Variants in DSG4 observed in about 807,000 individuals in gnomAD.
DSG4 encodes the protein desmoglein 4, also known as desmoglein-4.
Under a neutral mutation model 93.1 loss-of-function variants are expected in DSG4, and 87 were observed. That is an observed-to-expected ratio of 0.93 (90% CI 0.79 to 1.12). The LOEUF (loss-of-function observed/expected upper bound fraction) is 1.12, where lower values mean the gene tolerates loss of function less well. Ranked by LOEUF, DSG4 falls within the 50% of genes most tolerant of loss-of-function variation. The pLI, the probability that DSG4 is intolerant of heterozygous loss-of-function variation, is 0.00. For synonymous variants in DSG4, 432 were observed against 452.9 expected (o/e 0.95, Z 0.59); for missense variants, 1,373 against 1,285.7 (o/e 1.07, Z -1.04).
At chr18:31,406,454 A>G (rs751234213) in intron 12 of DSG4, 81 bp downstream of exon 12, 125 of 1,564,100 alleles carry the variant, frequency 8.0e-5, no homozygotes, top group Non-Finnish European at 1.0e-4. Flanking sequence ...GGTTAGGTTC[A>G]TGGAGCCATT....
intron 8 of DSG4, among the ~76,000 whole-genome samples, chr18:31,393,829 C>T (rs550149242): frequency 1.3e-5 from 2 of 152,260 alleles, no homozygotes; most frequent in South Asian, 4.1e-4. Flanking sequence ...TACTACTTTA[C>T]CACCAAAGCA....
rs764234368 is a variant in DSG4, at chr18:31,389,026, G to A, written c.517+8G>A. ...AAGAAAATAGTGATGCCAGTAAGTA[G>A]AATGACATTCCTTCTCTACGTCACA... is the stretch of plus-strand genomic sequence containing the variant. On this transcript the variant is annotated splice_region_variant and intron_variant, in intron 5 of 15. Coordinates refer to ENST00000308128, the MANE Select transcript of DSG4 (RefSeq NM_177986.5). 6 of 1,612,744 alleles carry A rather than the reference G, an allele frequency of 3.7e-6. No homozygotes were observed. The South Asian group carries it at 4.4e-5, about 12-fold the overall frequency.
At position 31,401,095 on chromosome 18, in the gene DSG4, T is replaced by C. The variant is rs554257908; in HGVS notation, c.1417+75T>C. Reference sequence around the variant, plus strand: ...AAATATTATGTTATTCTAATGCTGATATTTGAGTGACTCAGACATTTTTAA... The same window carrying C: ...AAATATTATGTTATTCTAATGCTGACATTTGAGTGACTCAGACATTTTTAA... On this transcript the variant is annotated intron_variant, in intron 10 of 15. Coordinates refer to ENST00000308128, the MANE Select transcript of DSG4 (RefSeq NM_177986.5). 1.5e-5 allele frequency: 19 copies of C among 1,281,794 alleles called. No homozygotes were observed. In the African/African-American group the frequency reaches 2.7e-4, roughly 18 times the overall value. The allele number at this position is 1,281,794 out of a possible 1,614,324, so 79.4% of individuals were successfully genotyped here.
intron 5 of DSG4, among the ~76,000 whole-genome samples, chr18:31,390,122 T>C (rs1333666618): frequency 1.3e-5 from 2 of 152,174 alleles, no homozygotes; most frequent in African/African-American, 4.8e-5. Context: ...TGGACAAGTC[T>C]TCTTTTCAAT....
In DSG4 at chr18:31,403,764, T is replaced by A; in HGVS notation, c.1636+130T>A. On this transcript the variant is annotated intron_variant, in intron 11 of 15. Coordinates refer to ENST00000308128, the MANE Select transcript of DSG4 (RefSeq NM_177986.5). ...CAGTTCTTGCCATATTAACATTAAATGAAAAAAATATTTCATGTACACAGA... is the reference window on the plus strand; with the variant it reads ...CAGTTCTTGCCATATTAACATTAAAAGAAAAAAATATTTCATGTACACAGA... 2.4e-5 allele frequency: 20 copies of A among 832,738 alleles called. No homozygotes were observed. In the Admixed American group the frequency reaches 3.1e-4, roughly 13 times the overall value. 51.6% of individuals were successfully genotyped at this position (832,738 alleles called of 1,614,324 possible).
chr18:31,400,979 T>C lies in DSG4; in HGVS notation c.1376T>C (p.Ile459Thr). 1 of 1,611,370 alleles carries C rather than the reference T, an allele frequency of 6.2e-7. No homozygotes were observed. Among genetic ancestry groups the C allele is most frequent in the Non-Finnish European group, 8.5e-7 (1 of 1,178,254 alleles). The change falls in exon 10 of 16, where the codon ATT (isoleucine) becomes ACT (threonine). Residue 459 changes from isoleucine (I) to threonine (T), a missense_variant. Transcript: ENST00000308128. ...GAATTTGATAAGAAGTCAAAATATA[T>C]TATCAATGGGATATACACAGCAGAG... is the stretch of plus-strand genomic sequence containing the variant. ...SREFDKKSKY[I>T]INGIYTAEIL...
chr18:31,389,223 G>T (rs887997189), intron 5 of DSG4, among the ~76,000 whole-genome samples: 2 of 152,098 alleles, frequency 1.3e-5, no homozygotes, highest in Non-Finnish European at 2.9e-5. Flanking sequence ...TCTTACTTGC[G>T]GAAGGTCCCT....
In DSG4 at chr18:31,413,732, A is replaced by T. The variant is rs190629788; in HGVS notation, c.*137A>T. The stretch of plus-strand genomic sequence containing the variant: ...ATTCTAAGGTCAATGCCATTATTTG[A>T]TTATACCATTTTGAGGGTGAATATG... On this transcript the variant is annotated 3_prime_UTR_variant, in exon 16 of 16. Coordinates refer to ENST00000308128, the MANE Select transcript of DSG4 (RefSeq NM_177986.5). 3.5e-5 allele frequency: 42 copies of T among 1,210,354 alleles called. No individual in the cohort carries two copies. In the East Asian group the frequency reaches 1.0e-3, roughly 30 times the overall value. The allele number at this position is 1,210,354 out of a possible 1,614,324, so 75.0% of individuals were successfully genotyped here. A position where few individuals can be genotyped will look rare whatever the true frequency, so the allele number is the denominator to read the frequency against.
chr18:31,397,438 C>A (rs1305865440), intron 8 of DSG4, among the ~76,000 whole-genome samples: 1 of 152,150 alleles, frequency 6.6e-6, no homozygotes, highest in East Asian at 1.9e-4. Flanking sequence ...TCTTTACAAT[C>A]CTTGACCTCT....
At position 31,402,100 on chromosome 18, in the gene DSG4, ATAAT is replaced by A. The variant is rs369688009; in HGVS notation, c.1417+1083_1417+1086del. Among the ~76,000 whole-genome samples the A allele has an allele frequency of 3.9e-3, 594 of 152,348 alleles. 4 individuals carry two copies. In the Middle Eastern group the frequency reaches 0.041, roughly 10 times the overall value. On this transcript the variant is annotated intron_variant, in intron 10 of 15. Transcript: ENST00000308128. The stretch of plus-strand genomic sequence containing the variant: ...GAAAAATCTTCAAATGCTAGAATAA[ATAAT>A]TAGTCATTCCAAGCAAATAAAGAGA...
chr18:31,403,798 G>A (rs1487515364), intron 11 of DSG4, among the ~76,000 whole-genome samples, 164 bp downstream of exon 11: 21 of 152,208 alleles, frequency 1.4e-4, no homozygotes, highest in Non-Finnish European at 2.6e-4. Flanking sequence ...GAGGATATTT[G>A]ATAAAATTTT....
chr18:31,411,647 G>C (rs2072494989), intron 15 of DSG4, among the ~76,000 whole-genome samples, 199 bp downstream of exon 15: 1 of 152,070 alleles, frequency 6.6e-6, no homozygotes, highest in Non-Finnish European at 1.5e-5. Flanking sequence ...AACTGCCATA[G>C]CGCATCTTAG....
Position 31,409,604 on chromosome 18 carries a change from T to C in DSG4, c.2073+13T>C. The C allele has an allele frequency of 1.9e-6, 3 of 1,614,244 alleles. No individual in the cohort carries two copies. Among genetic ancestry groups the C allele is most frequent in the Non-Finnish European group, 2.5e-6 (3 of 1,180,040 alleles). On this transcript the variant is annotated intron_variant, in intron 13 of 15. Coordinates refer to ENST00000308128, the MANE Select transcript of DSG4 (RefSeq NM_177986.5). ...TCCCGAGGACAGGGTAAGTGGACTG[T>C]CACTCTCCAGAGAAGTGTGGAGTTT...
chr18:31,385,346 T>C (rs1306543069), intron 2 of DSG4, among the ~76,000 whole-genome samples, 175 bp downstream of exon 2: 1 of 152,194 alleles, frequency 6.6e-6, no homozygotes, highest in Non-Finnish European at 1.5e-5. Context: ...CAAATCTCTA[T>C]GCATTTAGGG....
Position 31,412,909 on chromosome 18 carries a change from T to C in DSG4, c.2437T>C (p.Ser813Pro), listed in dbSNP as rs1329366476. 4.3e-6 allele frequency: 7 copies of C among 1,613,818 alleles called. No individual in the cohort carries two copies. Among genetic ancestry groups the C allele is most frequent in the Non-Finnish European group, 5.9e-6 (7 of 1,179,972 alleles). ...CATTTATGACCACGAGGGAGTCGGG[T>C]CTCCCGTAGGCTCTATTGGTTGTTG... ...LLIYDHEGVG[S>P]PVGSIGCCSW... Residue 813 changes from serine (S) to proline (P), a missense_variant, in exon 16 of 16, where the codon TCT becomes CCT. Ser to Pro is a moderately conservative substitution (Grantham distance 74, BLOSUM62 -1). Coordinates refer to ENST00000308128, the MANE Select transcript of DSG4 (RefSeq NM_177986.5).
At chr18:31,397,749 G>A (rs966201135) in intron 8 of DSG4, among the ~76,000 whole-genome samples, 12 of 152,078 alleles carry the variant, frequency 7.9e-5, no homozygotes, top group East Asian at 1.9e-4. Context: ...TTATCAGGCC[G>A]GGCACAGGGG....
chr18:31,411,446 G>T lies in DSG4; in HGVS notation c.2353G>T (p.Glu785Ter), dbSNP rs2072491251. The T allele has an allele frequency of 1.9e-6, 3 of 1,613,454 alleles. No individual in the cohort carries two copies. The highest frequency in any genetic ancestry group is 2.5e-6 in the Non-Finnish European group (3 of 1,180,032). ...NMAFLDSYFSEKAYAYADEDE... is the reference protein window; with the variant it reads ...NMAFLDSYFS ...GGCTTTCTTGGACAGCTACTTCTCG[G>T]AGGTAATGCCCTCACAGTCACACAT... The change falls in exon 15 of 16, where the codon GAG becomes TAG. Residue 785 changes from glutamate (E) to a stop codon, truncating the protein, a stop_gained and splice_region_variant. Coordinates refer to ENST00000308128, the MANE Select transcript of DSG4 (RefSeq NM_177986.5). LOFTEE classifies it high-confidence loss of function.
intron 8 of DSG4, among the ~76,000 whole-genome samples, chr18:31,398,522 A>T (rs2072329443): frequency 6.6e-6 from 1 of 152,194 alleles, no homozygotes; most frequent in Non-Finnish European, 1.5e-5. Flanking sequence ...ATTGCAAGTG[A>T]TGCTTAGCTT....
chr18:31,410,641 C>T (rs1427681742), intron 14 of DSG4, among the ~76,000 whole-genome samples: 1 of 152,060 alleles, frequency 6.6e-6, no homozygotes, highest in Non-Finnish European at 1.5e-5. Context: ...CTTACCAGCC[C>T]CACGCATATC....
Sources: allele counts gnomAD v4.1 joint callset (sites outside exome capture counted in the v4.1 genomes callset), GRCh38; gene constraint gnomAD v4.1.1; transcripts MANE v1.5; gene names NCBI Gene and HGNC (gene_info 2026-07-23, HGNC 2026-07-21).